PDE4D: variants seen among roughly 807,000 people sequenced by gnomAD.
PDE4D encodes phosphodiesterase 4D, also known as 3',5'-cyclic-AMP phosphodiesterase 4D.
In PDE4D, 24 loss-of-function variants were observed where a neutral mutation model predicts 87.4. The ratio of observed to expected loss-of-function variants is 0.27; its 90% confidence interval spans 0.20 to 0.39. PDE4D has a LOEUF of 0.39. Among genes scored for constraint, PDE4D ranks in the 10% least tolerant of loss-of-function variants. The pLI is 1.00. For synonymous variants in PDE4D, 384 were observed against 383.2 expected (o/e 1.00, Z -0.02); for missense variants, 714 against 1,041.0 (o/e 0.69, Z 4.32).
chr5:59,314,996 TG>T (rs1169333069), intron 1 of PDE4D, among the ~76,000 whole-genome samples: 2 of 152,098 alleles, frequency 1.3e-5, no homozygotes, highest in South Asian at 2.1e-4. Context: ...CATGCCTTGT[TG>T]GGGGGAAAGA....
chr5:59,962,829 T>C (rs1299650064), intron 3 of PDE4D, among the ~76,000 whole-genome samples: 1 of 152,204 alleles, frequency 6.6e-6, no homozygotes. Context: ...TTTGAATTCA[T>C]AGTGATATCT....
At chr5:59,990,186 T>C (rs1582070735) in intron 2 of PDE4D, among the ~76,000 whole-genome samples, 1 of 152,180 alleles carries the variant, frequency 6.6e-6, no homozygotes, top group African/African-American at 2.4e-5. Context: ...CTTAGGCTCA[T>C]TGAGGTTGTT....
At position 60,509,242 on chromosome 5, in the gene PDE4D, C is replaced by A. The variant is rs1055697424; in HGVS notation, n.70+12809G>T. Among the ~76,000 whole-genome samples the A allele has an allele frequency of 2.6e-5, 4 of 152,132 alleles. No individual in the cohort carries two copies. The South Asian group carries it at 6.2e-4, about 24-fold the overall frequency. On this transcript the variant is annotated intron_variant and non_coding_transcript_variant, in intron 1 of 2. Coordinates refer to the PDE4D transcript ENST00000506510. ...ACATGACAAAATCACCAGTGAAAAA[C>A]ACAAGAATTCAAAAACACAGCATTA...
intron 2 of PDE4D, among the ~76,000 whole-genome samples, chr5:60,117,135 C>G (rs1778244130): frequency 6.6e-6 from 1 of 151,662 alleles, no homozygotes; most frequent in Non-Finnish European, 1.5e-5. Flanking sequence ...ACTTTATATT[C>G]TCCTTTTCAG....
chr5:59,557,010 T>C (rs1819055265), intron 1 of PDE4D, among the ~76,000 whole-genome samples: 1 of 152,174 alleles, frequency 6.6e-6, no homozygotes, highest in Admixed American at 6.5e-5. Flanking sequence ...CTTAATGAAA[T>C]GCCATCTCTA....
chr5:60,241,992 G>A (rs1387153402), intron 1 of PDE4D, among the ~76,000 whole-genome samples: 1 of 152,100 alleles, frequency 6.6e-6, no homozygotes, highest in Non-Finnish European at 1.5e-5. Context: ...GACCAGGAGA[G>A]AGTGACATGA....
intron 2 of PDE4D, among the ~76,000 whole-genome samples, chr5:60,152,470 G>A (rs531230707): frequency 6.6e-6 from 1 of 152,084 alleles, no homozygotes; most frequent in South Asian, 2.1e-4. Context: ...TGCCTAACAT[G>A]GTGAAACCCC....
chr5:59,075,112 A>T (rs1209498130), intron 5 of PDE4D, among the ~76,000 whole-genome samples: 1 of 149,256 alleles, frequency 6.7e-6, no homozygotes, highest in Non-Finnish European at 1.5e-5. Flanking sequence ...ACACACACAC[A>T]CACACACACA....
intron 5 of PDE4D, among the ~76,000 whole-genome samples, chr5:59,104,089 T>C (rs1195372450): frequency 6.6e-6 from 1 of 152,240 alleles, no homozygotes; most frequent in Non-Finnish European, 1.5e-5. Flanking sequence ...GATGGTTTTG[T>C]TTTCTGAATT....
intron 1 of PDE4D, among the ~76,000 whole-genome samples, chr5:60,410,135 T>A (rs915502459): frequency 1.3e-5 from 2 of 151,868 alleles, no homozygotes; most frequent in Non-Finnish European, 2.9e-5. Flanking sequence ...GGAGTCCAGG[T>A]GTTTAAGGGG....
intron 8 of PDE4D, among the ~76,000 whole-genome samples, chr5:58,991,603 C>A (rs1189847356): frequency 6.6e-6 from 1 of 151,730 alleles, no homozygotes; most frequent in African/African-American, 2.4e-5. Context: ...TAAGGCCAAA[C>A]AATGAAATGA....
intron 5 of PDE4D, among the ~76,000 whole-genome samples, chr5:59,149,706 G>GTT (rs76421367): frequency 0.072 from 4,980 of 69,154 alleles, 722 homozygotes; most frequent in African/African-American, 0.087. Context: ...CTCTCCTCGA[G>GTT]TTTTTTTTTT....
intron 3 of PDE4D, among the ~76,000 whole-genome samples, chr5:59,974,245 A>G (rs1363160046): frequency 6.6e-6 from 1 of 152,232 alleles, no homozygotes; most frequent in African/African-American, 2.4e-5. Flanking sequence ...TAAGAAAGCA[A>G]TAGTGTTTAA....
intron 1 of PDE4D, among the ~76,000 whole-genome samples, chr5:60,199,341 G>T (rs1440740826): frequency 3.3e-5 from 5 of 151,758 alleles, no homozygotes; most frequent in African/African-American, 1.2e-4. Flanking sequence ...CTTGGTATCT[G>T]TAACTGGAGC....
intron 1 of PDE4D, among the ~76,000 whole-genome samples, chr5:59,437,561 T>C (rs1264242710): frequency 6.6e-6 from 1 of 152,220 alleles, no homozygotes; most frequent in Non-Finnish European, 1.5e-5. Flanking sequence ...GGAGGGGTCT[T>C]TGGCAAACAA....
intron 1 of PDE4D, among the ~76,000 whole-genome samples, chr5:59,230,127 T>C (rs1196886929): frequency 6.6e-6 from 1 of 152,208 alleles, no homozygotes; most frequent in African/African-American, 2.4e-5. Flanking sequence ...TTATTAGTTT[T>C]TTCTTCATTC....
At chr5:60,429,166 C>T (rs1743976596) in intron 1 of PDE4D, among the ~76,000 whole-genome samples, 1 of 152,180 alleles carries the variant, frequency 6.6e-6, no homozygotes, top group African/African-American at 2.4e-5. Flanking sequence ...TTGTTTATGT[C>T]ATCTCTGATT....
intron 6 of PDE4D, among the ~76,000 whole-genome samples, chr5:59,037,752 A>G (rs1055982584): frequency 6.6e-6 from 1 of 152,204 alleles, no homozygotes; most frequent in Non-Finnish European, 1.5e-5. Context: ...CTGTTAATAG[A>G]TAAGACAATC....
rs747415773 is a variant in PDE4D at position 58,974,693 on chromosome 5, C to T, written c.2401G>A (p.Val801Ile). ...EEEESQPEAC[V>I]IDDRSPDT ...GTGTCAGGAGAACGATCATCTATGA[C>T]ACAGGCTTCAGGCTGGCTTTCCTCT... is the stretch of plus-strand genomic sequence containing the variant. The change falls in exon 15 of 15, where the codon GTC becomes ATC. Residue 801 changes from valine to isoleucine, a missense_variant. This residue lies in a region of PDE4D where 90 missense variants were observed against 95.3 expected (regional missense o/e 0.94). Transcript: ENST00000340635. 1.0e-5 allele frequency: 16 copies of T among 1,602,764 alleles called. No individual in the cohort carries two copies. The East Asian group carries it at 2.9e-4, about 29-fold the overall frequency.
Sources: allele counts gnomAD v4.1 joint callset (sites outside exome capture counted in the v4.1 genomes callset), GRCh38; gene constraint gnomAD v4.1.1; regional missense constraint gnomAD v4.1.1; transcripts MANE v1.5; gene names NCBI Gene and HGNC (gene_info 2026-07-23, HGNC 2026-07-21).